XCR1: variants seen among roughly 807,000 people sequenced by gnomAD.
XCR1 encodes X-C motif chemokine receptor 1, also known as chemokine XC receptor 1.
For synonymous variants in XCR1, 187 were observed against 188.5 expected (o/e 0.99, Z 0.06); for missense variants, 356 against 424.2 (o/e 0.84, Z 1.41).
rs564217199 is a variant in XCR1, at chr3:46,020,125, G to C, written c.*821C>G. On this transcript the variant is annotated 3_prime_UTR_variant, in exon 2 of 2. Coordinates refer to ENST00000309285, the MANE Select transcript of XCR1 (RefSeq NM_001024644.2). Reference sequence around the variant, plus strand: ...TCCACCTGGGAAGGATGAGATGTCGGAGGAGTCCACCCTAGATGCCTTCAC... The same window carrying C: ...TCCACCTGGGAAGGATGAGATGTCGCAGGAGTCCACCCTAGATGCCTTCAC... The C allele has an allele frequency of 2.0e-5, 3 of 152,230 alleles. No individual in the cohort carries two copies. The highest frequency in any genetic ancestry group is 7.2e-5 in the African/African-American group (3 of 41,446). 9.4% of individuals were successfully genotyped at this position (152,230 alleles called of 1,614,324 possible). A position where few individuals can be genotyped will look rare whatever the true frequency, so the allele number is the denominator to read the frequency against.
At chr3:46,084,087 C>G (rs887219036) in intron 1 of XCR1, among the ~76,000 whole-genome samples, 1 of 152,168 alleles carries the variant, frequency 6.6e-6, no homozygotes, top group Non-Finnish European at 1.5e-5. Context: ...GAGCAAACAA[C>G]AGCAGCTATG....
At chr3:46,038,473 A>AT (rs1473729578) in intron 5 of XCR1, among the ~76,000 whole-genome samples, 1 of 152,156 alleles carries the variant, frequency 6.6e-6, no homozygotes, top group African/African-American at 2.4e-5. Context: ...ATACATCTCT[A>AT]TAAAACTATT....
Position 46,021,927 on chromosome 3 carries a change from T to G in XCR1, c.21A>C (p.Pro7=). Residue 7 remains proline, a synonymous_variant, in exon 2 of 2, where the codon CCA becomes CCC. Transcript: ENST00000309285. This position sits in a 1 kb window ranked among gnomAD's most constrained non-coding sequence, Gnocchi z 4.7. ...CATAGTAAAAAAAGGTGGTGCTCTC[T>G]GGGTTGCCTGAGGACTCCATCTGGA... is the stretch of plus-strand genomic sequence containing the variant. The part of the protein sequence containing the change: MESSGN[P]ESTTFFYYDL... The G allele has an allele frequency of 1.2e-6, 2 of 1,612,682 alleles. No individual in the cohort carries two copies. Among genetic ancestry groups the G allele is most frequent in the Non-Finnish European group, 1.7e-6 (2 of 1,179,208 alleles).
intron 4 of XCR1, among the ~76,000 whole-genome samples, chr3:46,058,990 T>A (rs1467651582): frequency 1.3e-5 from 2 of 152,124 alleles, no homozygotes; most frequent in African/African-American, 4.8e-5. Context: ...TATTGTTGAG[T>A]CTTCTTTGCC....
At chr3:46,054,555 G>GT (rs1697817783) in intron 4 of XCR1, among the ~76,000 whole-genome samples, 1 of 151,690 alleles carries the variant, frequency 6.6e-6, no homozygotes, top group African/African-American at 2.4e-5. Flanking sequence ...ACGAGGGGGG[G>GT]GCGAGTGTGA....
At chr3:46,053,547 G>A (rs1697791277) in intron 5 of XCR1, among the ~76,000 whole-genome samples, 1 of 152,188 alleles carries the variant, frequency 6.6e-6, no homozygotes, top group Non-Finnish European at 1.5e-5. Flanking sequence ...TCAGCCTGCT[G>A]TCCCGCAGAA....
upstream of XCR1, among the ~76,000 whole-genome samples, chr3:46,031,547 C>T (rs1189004969): frequency 6.6e-6 from 1 of 152,214 alleles, no homozygotes; most frequent in Non-Finnish European, 1.5e-5. Context: ...TCCTGGCCTG[C>T]AGGCAACCCT....
At chr3:46,030,923 G>C (rs2125895626), upstream of XCR1, among the ~76,000 whole-genome samples, 1 of 152,378 alleles carries the variant, frequency 6.6e-6, no homozygotes, top group East Asian at 1.9e-4. Flanking sequence ...GGTGTAGCTG[G>C]GACTTTCAGG....
In XCR1 at chr3:46,081,657, C is replaced by T. The variant is rs184016537; in HGVS notation, c.-515+4137G>A. ...GCATTTTTGCCCTTTGTGAATTTCC[C>T]ACTAGAGTGATTTGCAACTATTCCT... On this transcript the variant is annotated intron_variant, in intron 1 of 5. Transcript: ENST00000683768. Among the ~76,000 whole-genome samples the T allele has an allele frequency of 2.0e-5, 3 of 152,044 alleles. No homozygotes were observed. The East Asian group carries it at 5.8e-4, about 29-fold the overall frequency.
chr3:46,043,829 A>G (rs72901034), intron 5 of XCR1, among the ~76,000 whole-genome samples: 33,721 of 151,874 alleles, frequency 0.22, 5,149 homozygotes, highest in African/African-American at 0.42. Context: ...AAATTAGAGA[A>G]TGTTTTTTTA....
chr3:46,048,059 G>A (rs1208138770), intron 5 of XCR1, among the ~76,000 whole-genome samples: 1 of 152,192 alleles, frequency 6.6e-6, no homozygotes, highest in Non-Finnish European at 1.5e-5. Context: ...ACTCAACCAT[G>A]TTTGAGCTTG....
intron 1 of XCR1, among the ~76,000 whole-genome samples, chr3:46,026,280 G>A (rs1708285494): frequency 6.6e-6 from 1 of 152,114 alleles, no homozygotes; most frequent in Non-Finnish European, 1.5e-5. Context: ...AAAGGAAAAT[G>A]ATGTCAAATC....
At chr3:46,052,041 A>AAAAC (rs1022735609) in intron 5 of XCR1, among the ~76,000 whole-genome samples, 2 of 58,672 alleles carry the variant, frequency 3.4e-5, no homozygotes, top group African/African-American at 2.2e-4. Flanking sequence ...AACAAAAACA[A>AAAAC]AAAAAAAACT....
chr3:46,034,994 C>T (rs1032603941), intron 5 of XCR1, among the ~76,000 whole-genome samples: 35 of 152,018 alleles, frequency 2.3e-4, no homozygotes, highest in Admixed American at 2.0e-3. Flanking sequence ...CTCACTCTGT[C>T]GACAGGCTGG....
At chr3:46,074,611 A>G (rs1005027144) in intron 3 of XCR1, among the ~76,000 whole-genome samples, 8 of 152,140 alleles carry the variant, frequency 5.3e-5, no homozygotes, top group African/African-American at 1.9e-4. Flanking sequence ...ACTTAAATTT[A>G]TATTTTAAAA....
At chr3:46,056,683 C>G (rs948214198) in intron 4 of XCR1, among the ~76,000 whole-genome samples, 1 of 151,438 alleles carries the variant, frequency 6.6e-6, no homozygotes, top group Non-Finnish European at 1.5e-5. Flanking sequence ...GATGGGGTTT[C>G]GCCATCTTGC....
At chr3:46,050,318 G>A (rs1046671235) in intron 5 of XCR1, among the ~76,000 whole-genome samples, 1 of 152,110 alleles carries the variant, frequency 6.6e-6, no homozygotes, top group Non-Finnish European at 1.5e-5. Flanking sequence ...ACTTAACATC[G>A]GTCGTAGCCA....
chr3:46,068,775 C>T (rs542883654), intron 3 of XCR1, among the ~76,000 whole-genome samples: 1 of 113,394 alleles, frequency 8.8e-6, no homozygotes, highest in Non-Finnish European at 1.7e-5. Context: ...GTGTCAACAT[C>T]ATGGACGTGT....
chr3:46,062,354 A>T (rs1336965387), intron 4 of XCR1, among the ~76,000 whole-genome samples: 1 of 151,796 alleles, frequency 6.6e-6, no homozygotes, highest in African/African-American at 2.4e-5. Context: ...GTCTCCCCAC[A>T]CCCCCCACTA....
Sources: gnomAD v4.1 joint callset for allele counts (sites outside exome capture counted in the v4.1 genomes callset) on GRCh38, gnomAD v4.1.1 for gene constraint, Gnocchi (gnomAD v3.1) non-coding constraint, MANE v1.5 for transcripts, NCBI Gene and HGNC (gene_info 2026-07-23, HGNC 2026-07-21) for gene names.